KCNAB2: variants seen among roughly 807,000 people sequenced by gnomAD.
The protein encoded by KCNAB2 is potassium voltage-gated channel subfamily A regulatory beta subunit 2.
In KCNAB2, 29 loss-of-function variants were observed where a neutral mutation model predicts 63.6. That is an observed-to-expected ratio of 0.46 (90% CI 0.34 to 0.62). The LOEUF (loss-of-function observed/expected upper bound fraction) is 0.62. Ranked by LOEUF, KCNAB2 falls within the 20% of genes least tolerant of loss-of-function variation. The probability of loss-of-function intolerance (pLI) is 0.01; values close to 1 mark genes in which losing one functional copy is unlikely to be tolerated. For synonymous variants in KCNAB2, 222 were observed against 224.2 expected (o/e 0.99, Z 0.09); for missense variants, 359 against 563.9 (o/e 0.64, Z 3.68).
rs1434405617 is a variant in KCNAB2 at position 6,097,260 on chromosome 1, C to T, written c.1070-9C>T. 3.9e-6 allele frequency: 6 copies of T among 1,536,724 alleles called. No homozygotes were observed. Among genetic ancestry groups the T allele is most frequent in the Admixed American group, 2.0e-5 (1 of 50,404 alleles). On this transcript the variant is annotated splice_polypyrimidine_tract_variant and intron_variant, in intron 14 of 15. Transcript: ENST00000378083. ...TGTTTCTCCCTCACCTTGGGTCTCG[C>T]CGCCACAGCCTGGTGCCTGAGGAAT...
At chr1:6,022,327 G>C (rs1658892840) in intron 1 of KCNAB2, among the ~76,000 whole-genome samples, 4 of 151,902 alleles carry the variant, frequency 2.6e-5, no homozygotes, top group Admixed American at 2.6e-4. Context: ...GGTATTGAGT[G>C]TACAGTTCAT....
intron 1 of KCNAB2, among the ~76,000 whole-genome samples, chr1:6,018,990 G>A (rs1027210386): frequency 1.2e-4 from 19 of 152,092 alleles, no homozygotes; most frequent in Admixed American, 3.3e-4. Flanking sequence ...GTTTTCTTTC[G>A]TTTAAAACTG....
chr1:6,079,454 G>A (rs184061201), intron 4 of KCNAB2, among the ~76,000 whole-genome samples: 128 of 152,224 alleles, frequency 8.4e-4, no homozygotes, highest in African/African-American at 2.9e-3. Context: ...AGGAGGCAAA[G>A]GTTGCAGCGA....
At chr1:6,002,279 A>G (rs1657301223) in intron 1 of KCNAB2, among the ~76,000 whole-genome samples, 1 of 152,210 alleles carries the variant, frequency 6.6e-6, no homozygotes, top group Non-Finnish European at 1.5e-5. Context: ...GATCCTCCCC[A>G]AGGGGTCTTC....
In KCNAB2 at chr1:6,069,795, A is replaced by G. The variant is rs1015818823; in HGVS notation, c.219-2960A>G. On this transcript the variant is annotated intron_variant, in intron 2 of 15. Transcript: ENST00000378083. The surrounding 1 kb of genome is among the most constrained non-coding windows in gnomAD (Gnocchi z 5.4). ...GGCAGCGGATGGCAGAACCAATACC[A>G]TCATTTTCACAGGGAAACAAGTTGA... 6.6e-6 allele frequency among the ~76,000 whole-genome samples: 1 copy of G among 152,174 alleles called. No individual in the cohort carries two copies. The highest frequency in any genetic ancestry group is 1.5e-5 in the Non-Finnish European group (1 of 68,028).
intron 2 of KCNAB2, among the ~76,000 whole-genome samples, chr1:6,053,093 G>A (rs145070584): frequency 6.6e-6 from 1 of 152,108 alleles, no homozygotes; most frequent in Non-Finnish European, 1.5e-5. Flanking sequence ...CACTTCTCCT[G>A]TGAGTCCATT....
intron 1 of KCNAB2, among the ~76,000 whole-genome samples, chr1:6,037,337 G>A (rs1030558402): frequency 7.9e-5 from 12 of 152,218 alleles, no homozygotes; most frequent in African/African-American, 2.9e-4. Context: ...AGGCATCCCA[G>A]CCCCCATCCC....
upstream of KCNAB2, among the ~76,000 whole-genome samples, chr1:6,042,053 TG>T (rs1171135708): frequency 6.6e-6 from 1 of 152,030 alleles, no homozygotes; most frequent in Non-Finnish European, 1.5e-5. Context: ...AATGTCCTGA[TG>T]GAAAATGTGA....
chr1:6,098,223 C>CT (rs1350083465), intron 15 of KCNAB2: 27 of 1,219,966 alleles, frequency 2.2e-5, no homozygotes, highest in Non-Finnish European at 2.8e-5. Context: ...TATGTCACTG[C>CT]TGCCACCACC....
Position 6,088,932 on chromosome 1 carries a change from A to G in KCNAB2, c.471-76A>G, listed in dbSNP as rs527815337. On this transcript the variant is annotated intron_variant, in intron 7 of 15. Transcript: ENST00000378083. ...ACCCTGTTTTTGCGTCTAACATTGC[A>G]TCGTAAACGTTTTTTGGGAGGGGCC... 8.7e-6 allele frequency: 12 copies of G among 1,379,810 alleles called. No individual in the cohort carries two copies. In the African/African-American group the frequency reaches 1.3e-4, roughly 15 times the overall value. The allele number at this position is 1,379,810 out of a possible 1,614,324, so 85.5% of individuals were successfully genotyped here.
At chr1:6,020,804 T>C (rs1557937154) in intron 1 of KCNAB2, among the ~76,000 whole-genome samples, 1 of 152,146 alleles carries the variant, frequency 6.6e-6, no homozygotes, top group Non-Finnish European at 1.5e-5. Context: ...GTAGCTGGGA[T>C]TACAAGTGCC....
intron 1 of KCNAB2, among the ~76,000 whole-genome samples, chr1:5,993,413 T>C (rs1346093696): frequency 6.6e-6 from 1 of 152,048 alleles, no homozygotes. Context: ...CTCGGGCTGT[T>C]TACAGCACAC....
chr1:6,013,381 G>C (rs534343426), intron 1 of KCNAB2, among the ~76,000 whole-genome samples: 8 of 152,260 alleles, frequency 5.3e-5, no homozygotes, highest in African/African-American at 1.9e-4. Flanking sequence ...TGAAATTTGA[G>C]CAGGAACCCC....
chr1:6,069,619 T>C lies in KCNAB2; in HGVS notation c.219-3136T>C, dbSNP rs1020085185. ...GGGAAGAAATCGGTAGAAAATGATC[T>C]CTGTGTCTGGGAAGTTTCAAGTACA... is the stretch of plus-strand genomic sequence containing the variant. On this transcript the variant is annotated intron_variant, in intron 2 of 15. Transcript: ENST00000378083. The surrounding 1 kb of genome is among the most constrained non-coding windows in gnomAD (Gnocchi z 5.4). Among the ~76,000 whole-genome samples the C allele has an allele frequency of 3.9e-5, 6 of 152,174 alleles. No homozygotes were observed. The highest frequency in any genetic ancestry group is 8.8e-5 in the Non-Finnish European group (6 of 68,028).
intron 2 of KCNAB2, among the ~76,000 whole-genome samples, chr1:6,072,332 G>A (rs1428744770): frequency 2.6e-5 from 4 of 152,232 alleles, no homozygotes; most frequent in Admixed American, 1.3e-4. Flanking sequence ...TGCCCCAGTC[G>A]CTGGAGACAG....
chr1:6,060,975 T>G (rs536729283), intron 2 of KCNAB2, among the ~76,000 whole-genome samples: 1 of 151,066 alleles, frequency 6.6e-6, no homozygotes, highest in South Asian at 2.1e-4. Flanking sequence ...CCTCGTTCTG[T>G]GCATGAGAGG....
chr1:6,014,404 T>C (rs2100292000), intron 1 of KCNAB2, among the ~76,000 whole-genome samples: 1 of 152,394 alleles, frequency 6.6e-6, no homozygotes, highest in South Asian at 2.1e-4. Context: ...TTATCTGTGC[T>C]AATCATGAAG....
At chr1:6,049,492 G>A (rs1661208891) in intron 1 of KCNAB2, among the ~76,000 whole-genome samples, 1 of 152,186 alleles carries the variant, frequency 6.6e-6, no homozygotes, top group Non-Finnish European at 1.5e-5. Flanking sequence ...GGTAGGATGG[G>A]AAACGCAGCC....
chr1:6,043,163 T>C (rs1037856879), upstream of KCNAB2, among the ~76,000 whole-genome samples: 2 of 152,136 alleles, frequency 1.3e-5, no homozygotes, highest in African/African-American at 4.8e-5. Flanking sequence ...AAACAAAACA[T>C]GTACCTGAAC....
Sources: gnomAD v4.1 joint callset for allele counts (sites outside exome capture counted in the v4.1 genomes callset) on GRCh38, gnomAD v4.1.1 for gene constraint, Gnocchi (gnomAD v3.1) non-coding constraint, MANE v1.5 for transcripts, NCBI Gene and HGNC (gene_info 2026-07-23, HGNC 2026-07-21) for gene names.